Variants in SMAD1 observed in about 807,000 individuals in gnomAD.
SMAD1 encodes SMAD family member 1.
In SMAD1, 6 loss-of-function variants were observed where a neutral mutation model predicts 41.6. The ratio of observed to expected loss-of-function variants is 0.14; its 90% CI spans 0.08 to 0.28. SMAD1 has a LOEUF of 0.28. Among genes scored for constraint, SMAD1 ranks in the 10% least tolerant of loss-of-function variants. The probability of loss-of-function intolerance (pLI) is 1.00; values close to 1 mark genes in which losing one functional copy is unlikely to be tolerated. For missense variants in SMAD1, 379 were observed against 582.6 expected, an observed-to-expected ratio of 0.65 and a Z score of 3.60; for synonymous variants, 206 against 203.2, an observed-to-expected ratio of 1.01 and a Z score of -0.12.
intron 5 of SMAD1, among the ~76,000 whole-genome samples, chr4:145,549,117 T>C (rs1732413405): frequency 6.6e-6 from 1 of 152,136 alleles, no homozygotes; most frequent in African/African-American, 2.4e-5. Flanking sequence ...GACAAAGGTA[T>C]GGAAATGTTC....
intron 5 of SMAD1, among the ~76,000 whole-genome samples, chr4:145,551,938 A>T (rs1056054748): frequency 1.3e-5 from 2 of 152,244 alleles, no homozygotes; most frequent in Admixed American, 1.3e-4. Context: ...GGCATTAACT[A>T]TAAAAGCAGA....
rs1341769649 is a variant in SMAD1 at position 145,484,022 on chromosome 4, T to A, written c.-177+1984T>A. 3.3e-5 allele frequency among the ~76,000 whole-genome samples: 5 copies of A among 152,324 alleles called. No individual in the cohort carries two copies. In the South Asian group the frequency reaches 1.0e-3, roughly 32 times the overall value. On this transcript the variant is annotated intron_variant, in intron 1 of 6. Coordinates refer to ENST00000302085, the MANE Select transcript of SMAD1 (RefSeq NM_005900.3). Reference sequence around the variant, plus strand: ...TCATTAAGGCATTAAGAGGAAGTTGTCACATTTTCTCAACTACGTTTATTA... The same window carrying A: ...TCATTAAGGCATTAAGAGGAAGTTGACACATTTTCTCAACTACGTTTATTA...
At chr4:145,497,673 T>C (rs750331504) in intron 1 of SMAD1, 2 of 152,200 alleles carry the variant, frequency 1.3e-5, no homozygotes, top group African/African-American at 2.4e-5. Context: ...TAAATTACTT[T>C]AGGGAAGTTA....
intron 2 of SMAD1, chr4:145,516,881 G>A (rs1730429273): frequency 6.6e-6 from 1 of 152,062 alleles, no homozygotes; most frequent in Non-Finnish European, 1.5e-5. Flanking sequence ...ATGAAACTGA[G>A]GCCCCTACAA....
At chr4:145,492,222 A>T (rs1049868499) in intron 1 of SMAD1, among the ~76,000 whole-genome samples, 1 of 152,090 alleles carries the variant, frequency 6.6e-6, no homozygotes, top group Non-Finnish European at 1.5e-5. Context: ...GTGTCTTCCA[A>T]TTCAATTTTG....
At chr4:145,521,943 G>A (rs949514233) in intron 2 of SMAD1, among the ~76,000 whole-genome samples, 23 of 151,032 alleles carry the variant, frequency 1.5e-4, no homozygotes, top group Non-Finnish European at 2.9e-4. Context: ...TCACACTGGT[G>A]CTCTTTGTGC....
intron 4 of SMAD1, chr4:145,545,890 A>G (rs997369395): frequency 1.3e-5 from 2 of 152,212 alleles, no homozygotes; most frequent in African/African-American, 2.4e-5. Flanking sequence ...GTTTAGAACC[A>G]TGTTCTGTTT....
chr4:145,526,663 C>A (rs1317929658), intron 2 of SMAD1, among the ~76,000 whole-genome samples: 1 of 151,448 alleles, frequency 6.6e-6, no homozygotes, highest in East Asian at 2.0e-4. Context: ...AAACAGGAAT[C>A]CATGCTGAAG....
intron 2 of SMAD1, among the ~76,000 whole-genome samples, chr4:145,534,585 TGTA>T (rs1411398554): frequency 2.6e-5 from 4 of 152,124 alleles, no homozygotes; most frequent in African/African-American, 9.7e-5. Context: ...CAGGATGAAA[TGTA>T]GTGGAATTAA....
intron 1 of SMAD1, among the ~76,000 whole-genome samples, chr4:145,494,288 G>A (rs1728938713): frequency 1.3e-5 from 2 of 152,272 alleles, no homozygotes; most frequent in Middle Eastern, 6.8e-3. Context: ...AAGGTTTTGA[G>A]TGTCTGTATT....
At chr4:145,501,344 G>A (rs990156158) in intron 1 of SMAD1, among the ~76,000 whole-genome samples, 3 of 152,190 alleles carry the variant, frequency 2.0e-5, no homozygotes, top group Non-Finnish European at 2.9e-5. Context: ...CAACAATTGG[G>A]AAAGTGGCGT....
chr4:145,497,088 G>C (rs1729122000), intron 1 of SMAD1: 1 of 152,116 alleles, frequency 6.6e-6, no homozygotes, highest in Non-Finnish European at 1.5e-5. Flanking sequence ...TATGTTCTCA[G>C]GGCATATTGT....
At position 145,482,126 on chromosome 4, in the gene SMAD1, C is replaced by CCGCCGT. The variant is rs1311317223; in HGVS notation, c.-177+90_-177+95dup. 1 of 150,510 alleles carries CCGCCGT rather than the reference C, an allele frequency of 6.6e-6. No individual in the cohort carries two copies. The highest frequency in any genetic ancestry group is 1.5e-5 in the Non-Finnish European group (1 of 67,522). The allele number at this position is 150,510 out of a possible 1,614,324, so 9.3% of individuals were successfully genotyped here. ...CGCCCCGGGCTTTCCAGCGCCGCCG[C>CCGCCGT]CGCCGTCTCTGCACGCGTGGGGCCG... On this transcript the variant is annotated intron_variant, in intron 1 of 6. Coordinates refer to ENST00000302085, the MANE Select transcript of SMAD1 (RefSeq NM_005900.3). The surrounding 1 kb of genome is among the most constrained non-coding windows in gnomAD (Gnocchi z 4.2).
intron 2 of SMAD1, chr4:145,517,254 A>G (rs1053253737): frequency 7.9e-5 from 12 of 152,170 alleles, no homozygotes; most frequent in African/African-American, 2.9e-4. Flanking sequence ...CATTCCATGC[A>G]CGTTTCCTCT....
At chr4:145,493,405 C>A (rs1728882842) in intron 1 of SMAD1, among the ~76,000 whole-genome samples, 1 of 152,220 alleles carries the variant, frequency 6.6e-6, no homozygotes, top group African/African-American at 2.4e-5. Flanking sequence ...TGCAGTCCAA[C>A]ATATTTAATA....
intron 5 of SMAD1, 35 bp from the exon 6 acceptor site, chr4:145,553,749 A>T (rs776644876): frequency 1.3e-6 from 2 of 1,593,782 alleles, no homozygotes; most frequent in Non-Finnish European, 1.7e-6. Flanking sequence ...GTAAAAATTA[A>T]TAATAACTAA....
chr4:145,515,073 T>C (rs1416041755), intron 2 of SMAD1, 60 bp downstream of exon 2: 73 of 1,479,052 alleles, frequency 4.9e-5, no homozygotes, highest in Non-Finnish European at 6.4e-5. Context: ...TTGTGTTGTT[T>C]AGAACATGAA....
At chr4:145,532,058 A>G (rs781086562) in intron 2 of SMAD1, among the ~76,000 whole-genome samples, 15 of 152,146 alleles carry the variant, frequency 9.9e-5, no homozygotes, top group Non-Finnish European at 2.1e-4. Flanking sequence ...GTTTACAGGA[A>G]TCCTTTCCAG....
intron 5 of SMAD1, among the ~76,000 whole-genome samples, chr4:145,548,961 C>A (rs1045275243): frequency 2.0e-5 from 3 of 152,100 alleles, no homozygotes; most frequent in Non-Finnish European, 4.4e-5. Flanking sequence ...CTGAGAAGGC[C>A]ATAACATCAC....
Sources: allele counts gnomAD v4.1 joint callset (sites outside exome capture counted in the v4.1 genomes callset), GRCh38; gene constraint gnomAD v4.1.1; non-coding constraint Gnocchi (gnomAD v3.1); transcripts MANE v1.5; gene names NCBI Gene and HGNC (gene_info 2026-07-23, HGNC 2026-07-21).